The following CDK19 variants were observed in gnomAD, a reference collection of about 807,000 sequenced individuals.
CDK19 encodes cyclin-dependent kinase 19.
Under a neutral mutation model 68.3 loss-of-function variants are expected in CDK19, and 20 were observed. The ratio of observed to expected loss-of-function variants is 0.29; its 90% CI spans 0.21 to 0.43. The LOEUF is 0.43. Ranked by LOEUF, CDK19 falls within the 20% of genes least tolerant of loss-of-function variation. CDK19 has a pLI of 1.00. For missense variants in CDK19, 339 were observed against 623.5 expected, an observed-to-expected ratio of 0.54 and a Z score of 4.86; for synonymous variants, 221 against 222.8, an observed-to-expected ratio of 0.99 and a Z score of 0.07.
intron 2 of CDK19, among the ~76,000 whole-genome samples, chr6:110,677,262 C>T (rs1771606480): frequency 6.6e-6 from 1 of 152,122 alleles, no homozygotes; most frequent in African/African-American, 2.4e-5. Flanking sequence ...CCTTGTAAGC[C>T]ATGCAGAAGT....
chr6:110,712,701 C>T (rs1253877373), intron 2 of CDK19, among the ~76,000 whole-genome samples: 11 of 152,122 alleles, frequency 7.2e-5, no homozygotes, highest in Non-Finnish European at 1.5e-5. Context: ...TGTGGCGAAG[C>T]AGGATAAACA....
intron 1 of CDK19, among the ~76,000 whole-genome samples, chr6:110,751,137 T>C (rs553204218): frequency 2.6e-5 from 4 of 152,266 alleles, no homozygotes; most frequent in African/African-American, 9.6e-5. Flanking sequence ...CCCAGCCCAA[T>C]ACTTCTCTTT....
At chr6:110,755,260 C>T (rs974200153) in intron 1 of CDK19, among the ~76,000 whole-genome samples, 3 of 151,906 alleles carry the variant, frequency 2.0e-5, no homozygotes, top group African/African-American at 4.8e-5. Flanking sequence ...AGGCTGGTCT[C>T]GAACTCCTGA....
chr6:110,773,595 T>C lies in CDK19; in HGVS notation c.129-27394A>G, dbSNP rs549011850. Among the ~76,000 whole-genome samples the C allele has an allele frequency of 4.4e-4, 67 of 152,276 alleles. 1 individual carries two copies. The highest frequency in any genetic ancestry group is 1.6e-3 in the African/African-American group (65 of 41,574). Reference sequence around the variant, plus strand: ...ATTACATGGTATATAGCATACATTATACTAATGCTGTTTTCCTACTCACTC... The same window carrying C: ...ATTACATGGTATATAGCATACATTACACTAATGCTGTTTTCCTACTCACTC... On this transcript the variant is annotated intron_variant, in intron 1 of 12. Transcript: ENST00000368911.
At chr6:110,781,346 C>T (rs577794880) in intron 1 of CDK19, among the ~76,000 whole-genome samples, 27 of 152,190 alleles carry the variant, frequency 1.8e-4, no homozygotes, top group Middle Eastern at 3.4e-3. Flanking sequence ...ACCGATAGAG[C>T]AAGAATTCAC....
At chr6:110,810,492 T>C (rs1783003154) in intron 1 of CDK19, among the ~76,000 whole-genome samples, 1 of 152,060 alleles carries the variant, frequency 6.6e-6, no homozygotes, top group Non-Finnish European at 1.5e-5. Flanking sequence ...AGCAGCAGCA[T>C]GGCCAGGTAA....
Position 110,613,855 on chromosome 6 carries a change from A to G in CDK19, c.*680T>C, listed in dbSNP as rs1778149202. ...GTTCCATATGAATGATTCTATAAAA[A>G]TTACCACATACTTCAGTTCTTCGTG... On this transcript the variant is annotated 3_prime_UTR_variant, in exon 13 of 13. Transcript: ENST00000368911. The G allele has an allele frequency of 6.5e-6, 1 of 152,680 alleles. No individual in the cohort carries two copies. The highest frequency in any genetic ancestry group is 1.5e-5 in the Non-Finnish European group (1 of 68,038). The allele number at this position is 152,680 out of a possible 1,614,324, so 9.5% of individuals were successfully genotyped here.
At chr6:110,699,648 T>TA (rs746156080) in intron 2 of CDK19, among the ~76,000 whole-genome samples, 2 of 152,094 alleles carry the variant, frequency 1.3e-5, no homozygotes, top group African/African-American at 2.4e-5. Context: ...TGAGGTGCAC[T>TA]AAAAATCTCA....
intron 2 of CDK19, among the ~76,000 whole-genome samples, chr6:110,734,442 C>G (rs558409101): frequency 2.0e-5 from 3 of 149,022 alleles, no homozygotes; most frequent in African/African-American, 4.9e-5. Context: ...GTTTTAATAA[C>G]TACAGTTTGG....
At chr6:110,623,450 T>A (rs1031581401) in intron 8 of CDK19, 88 bp from the exon 9 acceptor site, 22 of 1,548,462 alleles carry the variant, frequency 1.4e-5, no homozygotes, top group Non-Finnish European at 1.8e-5. Flanking sequence ...GGCTTTCCTA[T>A]AAGGTATGTG....
rs536997455 is a variant in CDK19 at position 110,633,054 on chromosome 6, A to G, written c.515-893T>C. Among the ~76,000 whole-genome samples the G allele has an allele frequency of 6.6e-5, 10 of 151,944 alleles. No homozygotes were observed. In the South Asian group the frequency reaches 2.1e-3, roughly 32 times the overall value. On this transcript the variant is annotated intron_variant, in intron 5 of 12. Transcript: ENST00000368911. Reference sequence around the variant, plus strand: ...GCCAACATGGTGAAACCCAGTCTCTACTAAAAATACAAAAATTAGCTGGGC... The same window carrying G: ...GCCAACATGGTGAAACCCAGTCTCTGCTAAAAATACAAAAATTAGCTGGGC...
At chr6:110,660,249 G>C (rs762005568) in intron 4 of CDK19, among the ~76,000 whole-genome samples, 2 of 152,126 alleles carry the variant, frequency 1.3e-5, no homozygotes, top group Admixed American at 6.5e-5. Context: ...CCACTCACTC[G>C]ACCTGCTCTC....
At chr6:110,736,473 A>G (rs956736949) in intron 2 of CDK19, among the ~76,000 whole-genome samples, 1 of 152,246 alleles carries the variant, frequency 6.6e-6, no homozygotes, top group African/African-American at 2.4e-5. Context: ...ATCTGAATCC[A>G]AAGTTCAAGT....
In CDK19 at chr6:110,755,549, A is replaced by G. The variant is rs1366343826; in HGVS notation, c.129-9348T>C. Among the ~76,000 whole-genome samples the G allele has an allele frequency of 7.9e-5, 12 of 152,174 alleles. No homozygotes were observed. The East Asian group carries it at 2.1e-3, about 27-fold the overall frequency. On this transcript the variant is annotated intron_variant, in intron 1 of 12. Coordinates refer to ENST00000368911, the MANE Select transcript of CDK19 (RefSeq NM_015076.5). ...AGAGATAAGCAGGATTTCACTGAGC[A>G]AAGGAGGAAAGGACAGGGCCTTATA... is the stretch of plus-strand genomic sequence containing the variant.
chr6:110,802,498 T>C (rs558574951), intron 1 of CDK19, among the ~76,000 whole-genome samples: 1 of 152,064 alleles, frequency 6.6e-6, no homozygotes, highest in South Asian at 2.1e-4. Context: ...GACATAAAGA[T>C]GGGAACGACA....
At chr6:110,683,174 C>CAAAAAAA in intron 2 of CDK19, among the ~76,000 whole-genome samples, 1 of 49,578 alleles carries the variant, frequency 2.0e-5, no homozygotes, top group Non-Finnish European at 4.1e-5. Flanking sequence ...AGACTGTCTC[C>CAAAAAAA]AAAAAAAAAA....
chr6:110,745,228 T>G (rs1026804486), intron 2 of CDK19, among the ~76,000 whole-genome samples: 1 of 152,184 alleles, frequency 6.6e-6, no homozygotes, highest in African/African-American at 2.4e-5. Flanking sequence ...TCACAGATTG[T>G]TGTGAAAATT....
At chr6:110,798,549 C>T (rs1782109556) in intron 1 of CDK19, among the ~76,000 whole-genome samples, 1 of 147,116 alleles carries the variant, frequency 6.8e-6, no homozygotes, top group Non-Finnish European at 1.5e-5. Context: ...CCCTTGAACC[C>T]GGGAGACAGA....
In CDK19 at chr6:110,613,945, CT is replaced by C. The variant is rs1778155114; in HGVS notation, c.*589del. On this transcript the variant is annotated 3_prime_UTR_variant, in exon 13 of 13. Transcript: ENST00000368911. ...GTTGTAGGTTCCCTCTGTCCCACCG[CT>C]TGTCTTTTTATTAGACCTTCCCTGA... The C allele has an allele frequency of 6.6e-6, 1 of 152,590 alleles. No homozygotes were observed. Among genetic ancestry groups the C allele is most frequent in the Non-Finnish European group, 1.5e-5 (1 of 68,040 alleles). 9.5% of individuals were successfully genotyped at this position (152,590 alleles called of 1,614,324 possible). A position where few individuals can be genotyped will look rare whatever the true frequency, so the allele number is the denominator to read the frequency against.
Sources: gnomAD v4.1 joint callset for allele counts (sites outside exome capture counted in the v4.1 genomes callset) on GRCh38, gnomAD v4.1.1 for gene constraint, MANE v1.5 for transcripts, NCBI Gene and HGNC (gene_info 2026-07-23, HGNC 2026-07-21) for gene names.